Variants in FAAH observed in about 807,000 individuals in gnomAD.
FAAH encodes the protein fatty-acid amide hydrolase 1.
FAAH carries 63 observed loss-of-function variants against 69.7 expected under a neutral mutation model. The ratio of observed to expected loss-of-function variants is 0.90; its 90% CI spans 0.74 to 1.12. The LOEUF (loss-of-function observed/expected upper bound fraction) is 1.12, where lower values mean the gene tolerates loss of function less well. Ranked by LOEUF, FAAH falls within the 50% of genes most tolerant of loss-of-function variation. FAAH has a pLI of 0.00. For missense variants in FAAH, 680 were observed against 755.0 expected, an observed-to-expected ratio of 0.90 and a Z score of 1.16; for synonymous variants, 305 against 324.2, an observed-to-expected ratio of 0.94 and a Z score of 0.64.
intron 7 of FAAH, 75 bp from the exon 8 acceptor site, chr1:46,408,384 T>C: frequency 6.2e-7 from 1 of 1,606,072 alleles, no homozygotes; most frequent in South Asian, 1.1e-5. Flanking sequence ...GCTGAGTAGT[T>C]TCTCTGATCT....
chr1:46,410,373 C>G lies in FAAH; in HGVS notation c.1176-25C>G, dbSNP rs763180333. On this transcript the variant is annotated intron_variant, in intron 9 of 14. Coordinates refer to ENST00000243167, the MANE Select transcript of FAAH (RefSeq NM_001441.3). This position sits in a 1 kb window ranked among gnomAD's most constrained non-coding sequence, Gnocchi z 4.9. ...GGGAAGGATGTGGGGATGGGAGTGC[C>G]TGGACCGAGCATTTTGTTTCCCAGC... The G allele has an allele frequency of 2.6e-5, 41 of 1,600,524 alleles. No homozygotes were observed. Among genetic ancestry groups the G allele is most frequent in the Non-Finnish European group, 3.4e-5 (40 of 1,167,744 alleles).
chr1:46,398,265 C>G (rs1011825148), intron 1 of FAAH, among the ~76,000 whole-genome samples: 1 of 152,260 alleles, frequency 6.6e-6, no homozygotes, highest in South Asian at 2.1e-4. Flanking sequence ...GAACCCAGCC[C>G]AGGCTTGGGA....
At position 46,394,452 on chromosome 1, in the gene FAAH, G is replaced by C; in HGVS notation, c.104G>C (p.Arg35Pro). 1 of 1,376,818 alleles carries C rather than the reference G, an allele frequency of 7.3e-7. No homozygotes were observed. The highest frequency in any genetic ancestry group is 9.3e-7 in the Non-Finnish European group (1 of 1,073,386). 85.3% of individuals were successfully genotyped at this position (1,376,818 alleles called of 1,614,324 possible). ...GTGGCCCTGCGCTGGTCCGGGCGCC[G>C]GACGGCGCGGGGCGCGGTGGTCCGG... ...AAVALRWSGRRTARGAVVRAR... is the reference protein window; with the variant it reads ...AAVALRWSGRPTARGAVVRAR... The change falls in exon 1 of 15, where the codon CGG becomes CCG. Residue 35 changes from arginine to proline, a missense_variant. Transcript: ENST00000243167.
rs919146342 is a variant in FAAH at position 46,403,113 on chromosome 1, C to T, written c.309+909C>T. Among the ~76,000 whole-genome samples the T allele has an allele frequency of 3.3e-5, 5 of 151,656 alleles. No individual in the cohort carries two copies. In the East Asian group the frequency reaches 5.9e-4, roughly 18 times the overall value. On this transcript the variant is annotated intron_variant, in intron 2 of 14. Coordinates refer to ENST00000243167, the MANE Select transcript of FAAH (RefSeq NM_001441.3). ...CCTTCCAAAGTGCTAGGATTACAGG[C>T]GTGAGCCACCATGCCCGACCCCGTC...
intron 13 of FAAH, 129 bp downstream of exon 13, chr1:46,412,380 A>T (rs1232588954): frequency 3.9e-6 from 3 of 759,908 alleles, no homozygotes; most frequent in Non-Finnish European, 4.5e-6. Context: ...GGCTGACTGG[A>T]GACATGGCAG....
At chr1:46,398,827 T>A (rs1409217613) in intron 1 of FAAH, among the ~76,000 whole-genome samples, 2 of 152,082 alleles carry the variant, frequency 1.3e-5, no homozygotes, top group African/African-American at 2.4e-5. Context: ...GAGCCACCAC[T>A]CCCGGATTCT....
rs1664714101 is a variant in FAAH at position 46,402,147 on chromosome 1, G to C, written c.252G>C (p.Gln84His). 1 of 1,610,558 alleles carries C rather than the reference G, an allele frequency of 6.2e-7. No individual in the cohort carries two copies. The highest frequency in any genetic ancestry group is 1.3e-5 in the African/African-American group (1 of 74,908). The change falls in exon 2 of 15, where the codon CAG becomes CAC. Residue 84 changes from glutamine to histidine, a missense_variant. By Grantham distance (24) the Gln-to-His change is conservative. Transcript: ENST00000243167. Reference sequence around the variant, plus strand: ...CCCTGCCCCTGCCTCAGCTGGTGCAGAAGTTACACAGTAGAGAGCTGGCCC... The same window carrying C: ...CCCTGCCCCTGCCTCAGCTGGTGCACAAGTTACACAGTAGAGAGCTGGCCC... ...LLALPLPQLV[Q>H]KLHSRELAPE...
At chr1:46,396,810 C>G (rs1195506758) in intron 1 of FAAH, among the ~76,000 whole-genome samples, 2 of 152,202 alleles carry the variant, frequency 1.3e-5, no homozygotes, top group Non-Finnish European at 2.9e-5. Context: ...TTTACATAGA[C>G]ACAGTAACAG....
At chr1:46,408,762 ATTGATGGAGAAC>A (rs528284614) in intron 8 of FAAH, among the ~76,000 whole-genome samples, 178 bp downstream of exon 8, 1 of 152,168 alleles carries the variant, frequency 6.6e-6, no homozygotes, top group Non-Finnish European at 1.5e-5. Context: ...GGAGTGAGTG[ATTGATGGAGAAC>A]TTTAGCCCTG....
intron 1 of FAAH, among the ~76,000 whole-genome samples, chr1:46,397,108 C>T (rs45524035): frequency 0.22 from 33,169 of 152,140 alleles, 4,163 homozygotes; most frequent in Non-Finnish European, 0.29. Context: ...TCTGGCTGGG[C>T]GCTGGAGGTC....
In FAAH at chr1:46,405,236, G is replaced by C; in HGVS notation, c.444+88G>C. The C allele has an allele frequency of 6.2e-7, 1 of 1,611,758 alleles. No homozygotes were observed. The highest frequency in any genetic ancestry group is 8.5e-7 in the Non-Finnish European group (1 of 1,179,688). ...TCTTGGGTCATTTTGGGCCCTTAGA[G>C]GAGGTATCAGGTCCAGAGGCCTTCC... On this transcript the variant is annotated intron_variant, in intron 3 of 14. Transcript: ENST00000243167. The surrounding 1 kb of genome is among the most constrained non-coding windows in gnomAD (Gnocchi z 4.1).
At chr1:46,395,282 A>G (rs1485287838) in intron 1 of FAAH, among the ~76,000 whole-genome samples, 1 of 152,224 alleles carries the variant, frequency 6.6e-6, no homozygotes, top group Non-Finnish European at 1.5e-5. Context: ...GGGAGCCAGA[A>G]AGAAACCTGC....
intron 2 of FAAH, among the ~76,000 whole-genome samples, chr1:46,403,281 C>G (rs1012669746): frequency 6.6e-6 from 1 of 152,132 alleles, no homozygotes; most frequent in East Asian, 1.9e-4. Context: ...TAGACATGCA[C>G]CCCCATGCTT....
Position 46,406,255 on chromosome 1 carries a change from G to T in FAAH, c.838G>T (p.Val280Leu). The change falls in exon 7 of 15, where the codon GTG (valine) becomes TTG (leucine). Residue 280 changes from valine to leucine, a missense_variant. Val to Leu is a conservative substitution (Grantham distance 32). Transcript: ENST00000243167. ...VYGQEAVRLS[V>L]GPMARDVESL... ...TCTCTGCCCCACAGTGCGTCTCTCC[G>T]TGGGCCCCATGGCCCGGGACGTGGA... is the stretch of plus-strand genomic sequence containing the variant. 4 of 1,613,986 alleles carry T rather than the reference G, an allele frequency of 2.5e-6. No individual in the cohort carries two copies. The South Asian group carries it at 4.4e-5, about 18-fold the overall frequency.
chr1:46,413,470 G>A lies in FAAH; in HGVS notation c.1635G>A (p.Leu545=), dbSNP rs1329139185. ...LQKGMKKSVG[L]PVAVQCVALP... ...AGGGCATGAAGAAGAGTGTGGGGCT[G>A]CCGGTGGCCGTGCAGTGTGTGGCTC... The change falls in exon 15 of 15, where the codon CTG becomes CTA. Residue 545 remains leucine, a synonymous_variant. Coordinates refer to ENST00000243167, the MANE Select transcript of FAAH (RefSeq NM_001441.3). 1 of 1,614,090 alleles carries A rather than the reference G, an allele frequency of 6.2e-7. No homozygotes were observed. Among genetic ancestry groups the A allele is most frequent in the Non-Finnish European group, 8.5e-7 (1 of 1,180,000 alleles).
rs1306344804 is a variant in FAAH at position 46,413,229 on chromosome 1, T to G, written c.1611+9T>G. On this transcript the variant is annotated intron_variant, in intron 14 of 14. Coordinates refer to ENST00000243167, the MANE Select transcript of FAAH (RefSeq NM_001441.3). The stretch of plus-strand genomic sequence containing the variant: ...ACAAGATGCTGCAGAAGGTGAGGAC[T>G]GACCTGCCCCTCAACTGGACTCACT... 2 of 1,613,942 alleles carry G rather than the reference T, an allele frequency of 1.2e-6. No homozygotes were observed. The highest frequency in any genetic ancestry group is 2.7e-5 in the African/African-American group (2 of 74,886).
At chr1:46,399,890 T>C (rs1664666058) in intron 1 of FAAH, among the ~76,000 whole-genome samples, 1 of 152,164 alleles carries the variant, frequency 6.6e-6, no homozygotes, top group Non-Finnish European at 1.5e-5. Flanking sequence ...AAACTGTTAA[T>C]TATAGTTTTC....
Position 46,406,328 on chromosome 1 carries a change from G to T in FAAH, c.911G>T (p.Arg304Leu), listed in dbSNP as rs764656396. 1.6e-5 allele frequency: 26 copies of T among 1,613,728 alleles called. No individual in the cohort carries two copies. The highest frequency in any genetic ancestry group is 2.0e-5 in the Non-Finnish European group (24 of 1,179,844). Reference protein sequence around the residue: ...LRALLCEDMFRLDPTVPPLPF... With the variant: ...LRALLCEDMFLLDPTVPPLPF... The stretch of plus-strand genomic sequence containing the variant: ...GCCCTGCTGTGTGAGGACATGTTCC[G>T]CTTGGACCCCACTGTGCCTCCCTTG... Residue 304 changes from arginine (R) to leucine (L), a missense_variant, in exon 7 of 15, where the codon CGC becomes CTC. Transcript: ENST00000243167.
At position 46,410,533 on chromosome 1, in the gene FAAH, G is replaced by T. The variant is rs199598092; in HGVS notation, c.1275+36G>T. The T allele has an allele frequency of 1.8e-5, 28 of 1,565,172 alleles. No individual in the cohort carries two copies. The highest frequency in any genetic ancestry group is 9.0e-5 in the East Asian group (4 of 44,588). On this transcript the variant is annotated intron_variant, in intron 10 of 14. Transcript: ENST00000243167. The surrounding 1 kb of genome is among the most constrained non-coding windows in gnomAD (Gnocchi z 4.9). ...AAGGAGTGGAGGGGCTAGGATGGCT[G>T]GGGGGGAACCTAGGGCCTCCTATCG...
Sources: allele counts gnomAD v4.1 joint callset (sites outside exome capture counted in the v4.1 genomes callset), GRCh38; gene constraint gnomAD v4.1.1; non-coding constraint Gnocchi (gnomAD v3.1); transcripts MANE v1.5; gene names NCBI Gene and HGNC (gene_info 2026-07-23, HGNC 2026-07-21).